LIFR: variants seen among roughly 807,000 people sequenced by gnomAD.
The protein encoded by LIFR is LIF receptor subunit alpha, also known as leukemia inhibitory factor receptor.
A neutral mutation model predicts 122.2 loss-of-function variants in LIFR; 84 were observed. The observed-to-expected ratio is 0.69, with a 90% CI of 0.58 to 0.82. The LOEUF (loss-of-function observed/expected upper bound fraction) is 0.82, where lower values mean the gene tolerates loss of function less well. LIFR is among the 40% of genes least tolerant of loss of function. LIFR has a pLI of 0.00. For synonymous variants in LIFR, 422 were observed against 434.7 expected (o/e 0.97, Z 0.36); for missense variants, 1,294 against 1,311.6 (o/e 0.99, Z 0.21).
intron 5 of LIFR, among the ~76,000 whole-genome samples, chr5:38,515,745 C>G (rs1385100237): frequency 6.6e-6 from 1 of 151,860 alleles, no homozygotes; most frequent in African/African-American, 2.4e-5. Context: ...AGAGTTGAAA[C>G]AGGTCGTTTC....
chr5:38,574,175 G>A (rs1003686252), intron 1 of LIFR, among the ~76,000 whole-genome samples: 5 of 151,824 alleles, frequency 3.3e-5, no homozygotes, highest in Admixed American at 3.3e-4. Context: ...TTAAAAGCCC[G>A]GCCTGCCACT....
intron 7 of LIFR, among the ~76,000 whole-genome samples, chr5:38,508,496 G>A (rs146756495): frequency 1.1e-3 from 160 of 152,140 alleles, no homozygotes; most frequent in African/African-American, 3.6e-3. Context: ...CAATCAAAAC[G>A]CCAGCAGGTT....
chr5:38,489,994 CAAAAAA>C (rs58235156), intron 15 of LIFR, among the ~76,000 whole-genome samples, 190 bp downstream of exon 15: 1 of 49,686 alleles, frequency 2.0e-5, no homozygotes, highest in Non-Finnish European at 3.6e-5. Context: ...GACCCTCTCT[CAAAAAA>C]AAAAAAAAAA....
exon 1 of LIFR, chr5:38,595,330 C>G (rs1442840398): frequency 6.6e-6 from 1 of 152,570 alleles, no homozygotes; most frequent in Non-Finnish European, 1.5e-5. Flanking sequence ...AATGGTCTTG[C>G]AAGTGCAGTT....
intron 1 of LIFR, among the ~76,000 whole-genome samples, chr5:38,581,950 G>A (rs564130117): frequency 2.6e-4 from 39 of 152,032 alleles, no homozygotes; most frequent in African/African-American, 8.4e-4. Flanking sequence ...TTTGTGAAGC[G>A]TTTCTTTTGC....
At chr5:38,579,100 A>G (rs879941996) in intron 1 of LIFR, 2 of 152,222 alleles carry the variant, frequency 1.3e-5, no homozygotes, top group African/African-American at 2.4e-5. Flanking sequence ...TTAATGGCTT[A>G]CAATTTCAAA....
At chr5:38,576,428 C>T (rs761251254) in intron 1 of LIFR, among the ~76,000 whole-genome samples, 12 of 152,190 alleles carry the variant, frequency 7.9e-5, no homozygotes, top group Non-Finnish European at 1.3e-4. Flanking sequence ...CATAACCTTG[C>T]TCAACCTTGG....
chr5:38,557,922 T>C (rs979506974), upstream of LIFR: 1 of 152,136 alleles, frequency 6.6e-6, no homozygotes, highest in Non-Finnish European at 1.5e-5. Flanking sequence ...TTATAAGTAC[T>C]CGAAACCAAC....
intron 1 of LIFR, among the ~76,000 whole-genome samples, chr5:38,555,947 C>A (rs1012229901): frequency 1.3e-5 from 2 of 152,200 alleles, no homozygotes; most frequent in Non-Finnish European, 2.9e-5. Flanking sequence ...AAGTCAAATG[C>A]ACTACGGATA....
intron 1 of LIFR, among the ~76,000 whole-genome samples, chr5:38,577,965 T>A (rs1283062031): frequency 1.3e-5 from 2 of 152,210 alleles, no homozygotes; most frequent in Non-Finnish European, 2.9e-5. Context: ...CCCTCCATGG[T>A]GCCTTCTTAA....
intron 18 of LIFR, among the ~76,000 whole-genome samples, chr5:38,483,976 C>T (rs1040293091): frequency 2.6e-5 from 4 of 152,292 alleles, no homozygotes; most frequent in South Asian, 4.1e-4. Context: ...CTCTCTCCCA[C>T]GGAGCTCCCG....
chr5:38,496,495 T>A lies in LIFR; in HGVS notation c.1772A>T (p.Gln591Leu), dbSNP rs753217071. The stretch of plus-strand genomic sequence containing the variant: ...ATCAAGTCGTATCTCTGCTTTGTGC[T>A]GAGGATCAGGGATTTCAGAAAGGGA... ...TQSLSEIPDP[Q>L]HKAEIRLDKN... The change falls in exon 13 of 20, where the codon CAG (glutamine) becomes CTG (leucine). Residue 591 changes from glutamine (Q) to leucine (L), a missense_variant. Gln to Leu is a moderately radical substitution (Grantham distance 113). Coordinates refer to ENST00000453190, the MANE Select transcript of LIFR (RefSeq NM_001127671.2). The A allele has an allele frequency of 5.6e-6, 9 of 1,613,742 alleles. No homozygotes were observed. Among genetic ancestry groups the A allele is most frequent in the East Asian group, 2.2e-5 (1 of 44,890 alleles).
chr5:38,539,838 C>T lies in LIFR; in HGVS notation c.-19-9172G>A, dbSNP rs923988446. Among the ~76,000 whole-genome samples, 8 of 152,066 alleles carry T rather than the reference C, an allele frequency of 5.3e-5. No homozygotes were observed. In the East Asian group the frequency reaches 5.8e-4, roughly 11 times the overall value. The stretch of plus-strand genomic sequence containing the variant: ...TTATACATATATTTCAGATATTATG[C>T]ATTATTTAAATACTGTTTATTAAGG... On this transcript the variant is annotated intron_variant, in intron 1 of 19. Coordinates refer to ENST00000453190, the MANE Select transcript of LIFR (RefSeq NM_001127671.2).
In LIFR at chr5:38,496,515, A is replaced by C. The variant is rs1033663968; in HGVS notation, c.1752T>G (p.Leu584=). The part of the protein sequence containing the change: ...SCSSDEETQS[L]SEIPDPQHKA... Reference sequence around the variant, plus strand: ...TGTGCTGAGGATCAGGGATTTCAGAAAGGGACTGTGTTTCCTCATCTGATG... The same window carrying C: ...TGTGCTGAGGATCAGGGATTTCAGACAGGGACTGTGTTTCCTCATCTGATG... The change falls in exon 13 of 20, where the codon CTT becomes CTG. Residue 584 remains leucine (L), a synonymous_variant. Coordinates refer to ENST00000453190, the MANE Select transcript of LIFR (RefSeq NM_001127671.2). 3 of 1,613,824 alleles carry C rather than the reference A, an allele frequency of 1.9e-6. No individual in the cohort carries two copies. In the African/African-American group the frequency reaches 4.0e-5, roughly 22 times the overall value.
intron 1 of LIFR, among the ~76,000 whole-genome samples, chr5:38,531,126 T>TG (rs2112573406): frequency 6.6e-6 from 1 of 152,338 alleles, no homozygotes; most frequent in African/African-American, 2.4e-5. Context: ...TACATGGTGT[T>TG]GGAAAGTTTC....
intron 4 of LIFR, among the ~76,000 whole-genome samples, chr5:38,524,991 A>G (rs551921644): frequency 1.3e-5 from 2 of 152,354 alleles, no homozygotes; most frequent in East Asian, 3.9e-4. Flanking sequence ...AATATCTGAG[A>G]AAGAAGTTTA....
At chr5:38,516,384 C>A (rs1475137468) in intron 5 of LIFR, among the ~76,000 whole-genome samples, 2 of 152,102 alleles carry the variant, frequency 1.3e-5, no homozygotes, top group African/African-American at 2.4e-5. Context: ...TCAAACAACC[C>A]CATCAAAAAA....
chr5:38,547,953 T>C (rs7707166), intron 1 of LIFR, among the ~76,000 whole-genome samples: 5,376 of 152,162 alleles, frequency 0.035, 306 homozygotes, highest in African/African-American at 0.12. Flanking sequence ...AGTAAAAATA[T>C]AGTATCATAA....
intron 7 of LIFR, 70 bp from the exon 8 acceptor site, chr5:38,506,702 G>T: frequency 3.0e-6 from 4 of 1,314,106 alleles, no homozygotes; most frequent in Non-Finnish European, 3.2e-6. Context: ...TTTTATAAAC[G>T]TCAATGTTTT....
Sources: gnomAD v4.1 joint callset for allele counts (sites outside exome capture counted in the v4.1 genomes callset) on GRCh38, gnomAD v4.1.1 for gene constraint, MANE v1.5 for transcripts, NCBI Gene and HGNC (gene_info 2026-07-23, HGNC 2026-07-21) for gene names.